The following PSD3 variants were observed in gnomAD, a reference collection of about 807,000 sequenced individuals.
PSD3 encodes pleckstrin and Sec7 domain containing 3.
PSD3 carries 49 observed loss-of-function variants against 105.5 expected under a neutral mutation model. The ratio of observed to expected loss-of-function variants is 0.46; its 90% confidence interval spans 0.37 to 0.59. The LOEUF is 0.59. Ranked by LOEUF, PSD3 falls within the 20% of genes least tolerant of loss-of-function variation. The pLI is 0.00. For missense variants in PSD3, 1,561 were observed against 1,263.8 expected, an observed-to-expected ratio of 1.24 and a Z score of -3.57; for synonymous variants, 557 against 457.8, an observed-to-expected ratio of 1.22 and a Z score of -2.77.
chr8:18,701,595 T>G (rs1163127867), intron 9 of PSD3, among the ~76,000 whole-genome samples: 1 of 152,214 alleles, frequency 6.6e-6, no homozygotes, highest in Non-Finnish European at 1.5e-5. Context: ...TTAAGTGAAG[T>G]CTTCCATTGT....
At chr8:18,743,924 C>T (rs1422509276) in intron 9 of PSD3, among the ~76,000 whole-genome samples, 1 of 150,920 alleles carries the variant, frequency 6.6e-6, no homozygotes, top group Non-Finnish European at 1.5e-5. Context: ...CGCTATATTG[C>T]ACTCCAGCCT....
chr8:18,783,665 G>A (rs1808851200), intron 8 of PSD3, among the ~76,000 whole-genome samples: 1 of 152,138 alleles, frequency 6.6e-6, no homozygotes, highest in African/African-American at 2.4e-5. Flanking sequence ...ACGTAGTCTT[G>A]CTCTGTTGCC....
chr8:18,546,033 C>T (rs989430606), intron 15 of PSD3, among the ~76,000 whole-genome samples: 10 of 152,158 alleles, frequency 6.6e-5, no homozygotes, highest in African/African-American at 2.4e-4. Flanking sequence ...TGGAGTCTCA[C>T]TCTGTCGCCC....
intron 1 of PSD3, among the ~76,000 whole-genome samples, chr8:19,072,586 A>G (rs1829306886): frequency 6.6e-6 from 1 of 152,196 alleles, no homozygotes; most frequent in Non-Finnish European, 1.5e-5. Context: ...ATTTCTATTC[A>G]GACATGGAGA....
At chr8:18,980,657 C>T (rs1385100679) in intron 1 of PSD3, among the ~76,000 whole-genome samples, 1 of 151,946 alleles carries the variant, frequency 6.6e-6, no homozygotes, top group Non-Finnish European at 1.5e-5. Flanking sequence ...TTATTTTTCC[C>T]TCTCTCCCTC....
At chr8:18,777,726 C>A (rs887225151) in intron 8 of PSD3, among the ~76,000 whole-genome samples, 9 of 152,180 alleles carry the variant, frequency 5.9e-5, no homozygotes, top group Non-Finnish European at 1.2e-4. Context: ...AAACTATATT[C>A]ATCCTCCGGT....
At chr8:19,041,458 A>G (rs17384894) in intron 1 of PSD3, among the ~76,000 whole-genome samples, 37,871 of 152,140 alleles carry the variant, frequency 0.25, 5,766 homozygotes, top group Middle Eastern at 0.39. Flanking sequence ...GAGAATGTGT[A>G]TGAAAACCAC....
chr8:18,782,136 A>C (rs1808695338), intron 8 of PSD3, among the ~76,000 whole-genome samples: 1 of 151,918 alleles, frequency 6.6e-6, no homozygotes, highest in Admixed American at 6.6e-5. Flanking sequence ...TTTCAGAAAT[A>C]TTTTGAATTC....
intron 9 of PSD3, among the ~76,000 whole-genome samples, chr8:18,757,843 T>C (rs1245391108): frequency 6.6e-6 from 1 of 152,222 alleles, no homozygotes; most frequent in Non-Finnish European, 1.5e-5. Context: ...TTTTTAATAC[T>C]GTTATATAGT....
chr8:18,724,076 A>G (rs929316041), intron 9 of PSD3, among the ~76,000 whole-genome samples: 1 of 152,184 alleles, frequency 6.6e-6, no homozygotes, highest in African/African-American at 2.4e-5. Flanking sequence ...GATAATAGAC[A>G]TAAGAAGAAT....
chr8:18,543,847 T>A (rs1391905705), intron 15 of PSD3, among the ~76,000 whole-genome samples: 1 of 152,142 alleles, frequency 6.6e-6, no homozygotes, highest in Non-Finnish European at 1.5e-5. Context: ...TACATGGATC[T>A]CACTGAACAG....
intron 1 of PSD3, among the ~76,000 whole-genome samples, chr8:19,074,072 G>T (rs1006919687): frequency 6.6e-6 from 1 of 152,094 alleles, no homozygotes. Flanking sequence ...TTACAGGCCC[G>T]AGCCACCGCG....
At chr8:18,756,108 C>A (rs1017280859) in intron 9 of PSD3, among the ~76,000 whole-genome samples, 17 of 152,164 alleles carry the variant, frequency 1.1e-4, no homozygotes, top group Admixed American at 9.2e-4. Flanking sequence ...CCGACTTACA[C>A]AGGACAGGCA....
At chr8:18,825,635 G>C (rs890023241) in intron 4 of PSD3, among the ~76,000 whole-genome samples, 1 of 152,180 alleles carries the variant, frequency 6.6e-6, no homozygotes, top group Non-Finnish European at 1.5e-5. Context: ...TCAAAGGAGA[G>C]GATGATTTAA....
chr8:18,929,849 A>G (rs1821621677), intron 2 of PSD3, among the ~76,000 whole-genome samples: 1 of 152,208 alleles, frequency 6.6e-6, no homozygotes, highest in Non-Finnish European at 1.5e-5. Flanking sequence ...TTATTTAGAG[A>G]GATTCAAAAT....
intron 1 of PSD3, among the ~76,000 whole-genome samples, chr8:18,940,650 G>T (rs892847961): frequency 2.0e-5 from 3 of 152,144 alleles, no homozygotes; most frequent in Admixed American, 6.5e-5. Context: ...ATTAACCCCA[G>T]TTCTGGGAAT....
chr8:18,704,476 T>A (rs1238870332), intron 9 of PSD3, among the ~76,000 whole-genome samples: 1 of 152,156 alleles, frequency 6.6e-6, no homozygotes, highest in Non-Finnish European at 1.5e-5. Flanking sequence ...TAGCTAGGAT[T>A]ACAGGGACGT....
intron 11 of PSD3, among the ~76,000 whole-genome samples, chr8:18,606,242 A>T (rs1219428055): frequency 2.0e-5 from 3 of 152,044 alleles, no homozygotes; most frequent in Non-Finnish European, 4.4e-5. Flanking sequence ...CTTGTGACTT[A>T]TTCACTCTTT....
At chr8:18,924,794 AG>A (rs1821257999) in intron 2 of PSD3, 1 of 152,242 alleles carries the variant, frequency 6.6e-6, no homozygotes, top group African/African-American at 2.4e-5. Flanking sequence ...AGAATTATTC[AG>A]CTTCTTCTTT....
Sources: allele counts gnomAD v4.1 joint callset (sites outside exome capture counted in the v4.1 genomes callset), GRCh38; gene constraint gnomAD v4.1.1; transcripts MANE v1.5; gene names NCBI Gene and HGNC (gene_info 2026-07-23, HGNC 2026-07-21).